TMEM164: variants seen among roughly 807,000 people sequenced by gnomAD.
TMEM164 encodes the protein RP13-360B22.2.
In TMEM164, 4 loss-of-function variants were observed where a neutral mutation model predicts 18.8. The ratio of observed to expected loss-of-function variants is 0.21; its 90% CI spans 0.10 to 0.49. TMEM164 has a LOEUF of 0.49. TMEM164 is among the 20% of genes least tolerant of loss of function. The pLI, the probability that TMEM164 is intolerant of heterozygous loss-of-function variation, is 0.98. For synonymous variants in TMEM164, 86 were observed against 101.7 expected, an observed-to-expected ratio of 0.85 and a Z score of 0.93; for missense variants, 108 against 239.9, an observed-to-expected ratio of 0.45 and a Z score of 3.63.
At chrX:110,026,188 G>A (rs1042265029) in intron 2 of TMEM164, among the ~76,000 whole-genome samples, 4 of 112,275 alleles carry the variant, frequency 3.6e-5, no homozygotes, top group Non-Finnish European at 7.5e-5. Flanking sequence ...TTAGCTGTCT[G>A]AAGGGGCTGA....
intron 4 of TMEM164, among the ~76,000 whole-genome samples, chrX:110,142,930 T>C (rs1354114579): frequency 8.9e-6 from 1 of 112,398 alleles, no homozygotes; most frequent in Non-Finnish European, 1.9e-5. Context: ...TCAAGGTGGG[T>C]GGTCAGCAGT....
At chrX:110,062,017 T>A in intron 2 of TMEM164, among the ~76,000 whole-genome samples, 1 of 111,601 alleles carries the variant, frequency 9.0e-6, no homozygotes, top group Non-Finnish European at 1.9e-5. Context: ...ATCCCACTGT[T>A]ATAAAAGATT....
intron 2 of TMEM164, among the ~76,000 whole-genome samples, chrX:110,052,745 G>GTTTTTTTTT (rs34292132): frequency 2.9e-5 from 2 of 68,817 alleles, no homozygotes; most frequent in African/African-American, 5.4e-5. Flanking sequence ...ACATGCATCT[G>GTTTTTTTTT]TTTTTTTTTT....
chrX:110,086,758 G>A (rs760498882), intron 3 of TMEM164, among the ~76,000 whole-genome samples: 1 of 110,024 alleles, frequency 9.1e-6, no homozygotes, highest in East Asian at 2.8e-4. Flanking sequence ...TCTGAGTTTA[G>A]AGGAATTAGA....
chrX:110,005,724 CTTCT>C (rs762208921), intron 2 of TMEM164, among the ~76,000 whole-genome samples: 11 of 111,920 alleles, frequency 9.8e-5, no homozygotes, highest in Admixed American at 7.6e-4. Flanking sequence ...TTGAGCCAGT[CTTCT>C]TTCTTTCTTT....
chrX:110,034,587 G>T (rs1336901542), intron 2 of TMEM164, among the ~76,000 whole-genome samples: 1 of 111,721 alleles, frequency 9.0e-6, no homozygotes, highest in African/African-American at 3.3e-5. Flanking sequence ...GGCCACGTTT[G>T]GTTCGCGGGT....
chrX:110,046,317 C>T, intron 2 of TMEM164: 5 of 754,448 alleles, frequency 6.6e-6, no homozygotes, highest in Non-Finnish European at 7.8e-6. Context: ...TATTTAACCT[C>T]TCAGTAGAGT....
intron 3 of TMEM164, among the ~76,000 whole-genome samples, chrX:110,090,563 T>A (rs557313582): frequency 7.2e-5 from 8 of 111,289 alleles, no homozygotes; most frequent in South Asian, 7.5e-4. Flanking sequence ...GATCCGCCTG[T>A]CTCAGCCTCT....
At chrX:110,134,588 A>T (rs1417911574) in intron 4 of TMEM164, among the ~76,000 whole-genome samples, 1 of 95,401 alleles carries the variant, frequency 1.0e-5, no homozygotes, top group Non-Finnish European at 2.1e-5. Flanking sequence ...AAAAAAAAGG[A>T]CCAGTGGCTG....
In TMEM164 at chrX:110,084,791, C is replaced by T. The variant is rs995504292; in HGVS notation, c.440+17395C>T. ...TTGTTAGCTTTCTAAGATAAATTTT[C>T]CTTTTCCTTTGCATGCTTGGGAGAG... On this transcript the variant is annotated intron_variant, in intron 3 of 6. Coordinates refer to ENST00000372068, the MANE Select transcript of TMEM164 (RefSeq NM_032227.4). Among the ~76,000 whole-genome samples the T allele has an allele frequency of 3.6e-5, 4 of 109,951 alleles. No homozygotes were observed. The Admixed American group carries it at 4.0e-4, about 11-fold the overall frequency.
chrX:110,078,685 G>A (rs186971716), intron 3 of TMEM164, among the ~76,000 whole-genome samples: 29 of 111,431 alleles, frequency 2.6e-4, no homozygotes, highest in African/African-American at 9.4e-4. Flanking sequence ...TGGGCATGGT[G>A]ATGGGCACCT....
chrX:110,073,188 C>T (rs2065621841), intron 3 of TMEM164, among the ~76,000 whole-genome samples: 1 of 110,927 alleles, frequency 9.0e-6, no homozygotes, highest in Admixed American at 9.6e-5. Flanking sequence ...CTAGCTGTGA[C>T]ACCTAGCTAG....
At chrX:110,063,885 C>T (rs1165790415) in intron 2 of TMEM164, among the ~76,000 whole-genome samples, 1 of 111,189 alleles carries the variant, frequency 9.0e-6, no homozygotes, top group African/African-American at 3.3e-5. Flanking sequence ...GTTGGGGTGA[C>T]TCCCTGTGTG....
chrX:110,112,647 A>T (rs1476501807), intron 4 of TMEM164, among the ~76,000 whole-genome samples: 1 of 112,270 alleles, frequency 8.9e-6, no homozygotes, highest in African/African-American at 3.2e-5. Flanking sequence ...CTTATGAGGC[A>T]AGGTACTGTT....
At chrX:110,118,092 T>C (rs1224023457) in intron 4 of TMEM164, among the ~76,000 whole-genome samples, 1 of 112,053 alleles carries the variant, frequency 8.9e-6, no homozygotes, top group African/African-American at 3.2e-5. Flanking sequence ...TTTGTATTTT[T>C]AGCAGAGGCG....
chrX:110,067,637 C>T (rs909150568), intron 3 of TMEM164, among the ~76,000 whole-genome samples: 3 of 112,052 alleles, frequency 2.7e-5, no homozygotes, highest in Non-Finnish European at 5.6e-5. Flanking sequence ...GATGTATGGC[C>T]AAGGCATGCT....
At chrX:110,162,393 C>T (rs1364360665) in intron 5 of TMEM164, among the ~76,000 whole-genome samples, 1 of 112,250 alleles carries the variant, frequency 8.9e-6, no homozygotes, top group Non-Finnish European at 1.9e-5. Context: ...CTTTAAATTG[C>T]CTTAGCCACA....
chrX:110,048,226 C>G (rs1935396922), intron 2 of TMEM164, among the ~76,000 whole-genome samples: 1 of 111,737 alleles, frequency 8.9e-6, no homozygotes, highest in African/African-American at 3.3e-5. Context: ...TCATTTAAGC[C>G]TTTAGCTATG....
intron 3 of TMEM164, among the ~76,000 whole-genome samples, chrX:110,084,049 G>C (rs939163215): frequency 3.6e-5 from 4 of 110,606 alleles, no homozygotes; most frequent in Admixed American, 3.0e-4. Flanking sequence ...TCCTTGTCTT[G>C]CTTCTGATTT....
Sources: gnomAD v4.1 joint callset for allele counts (sites outside exome capture counted in the v4.1 genomes callset) on GRCh38, gnomAD v4.1.1 for gene constraint, MANE v1.5 for transcripts, NCBI Gene and HGNC (gene_info 2026-07-23, HGNC 2026-07-21) for gene names.